The following CSMD1 variants were observed in gnomAD, a reference collection of about 807,000 sequenced individuals.
The protein encoded by CSMD1 is CUB and Sushi multiple domains 1, also known as CUB and sushi domain-containing protein 1.
CSMD1 carries 213 observed loss-of-function variants against 417.5 expected under a neutral mutation model. The ratio of observed to expected loss-of-function variants is 0.51; its 90% CI spans 0.46 to 0.57. CSMD1 has a LOEUF of 0.57. CSMD1 is among the 20% of genes least tolerant of loss of function. The pLI, the probability that CSMD1 is intolerant of heterozygous loss-of-function variation, is 0.00. For missense variants in CSMD1, 6,923 were observed against 4,529.7 expected (o/e 1.53, Z -15.17); for synonymous variants, 2,862 against 1,736.8 (o/e 1.65, Z -16.11).
At chr8:3,549,623 G>A (rs1006539295) in intron 10 of CSMD1, among the ~76,000 whole-genome samples, 1 of 152,144 alleles carries the variant, frequency 6.6e-6, no homozygotes, top group Admixed American at 6.5e-5. Flanking sequence ...AAAAACAGGA[G>A]GAGAAACCTC....
intron 1 of CSMD1, among the ~76,000 whole-genome samples, chr8:4,682,938 G>C (rs955068658): frequency 1.5e-5 from 2 of 129,474 alleles, no homozygotes; most frequent in African/African-American, 5.8e-5. Flanking sequence ...CATTTCTTTA[G>C]GAGCAATAAG....
intron 7 of CSMD1, among the ~76,000 whole-genome samples, chr8:3,685,364 C>G (rs368940621): frequency 1.3e-5 from 2 of 152,132 alleles, no homozygotes; most frequent in African/African-American, 4.8e-5. Flanking sequence ...AAACTGTTAC[C>G]TAAACACCAG....
chr8:3,468,620 T>G lies in CSMD1; in HGVS notation c.1561+92A>C, dbSNP rs990651751. On this transcript the variant is annotated intron_variant, in intron 12 of 69. Coordinates refer to ENST00000635120, the MANE Select transcript of CSMD1 (RefSeq NM_033225.6). ...CTATTTATCAGCATTGTTTGACTTG[T>G]TGATTTTACTTCTACCTAACCAACA... 17 of 704,832 alleles carry G rather than the reference T, an allele frequency of 2.4e-5. No individual in the cohort carries two copies. In the East Asian group the frequency reaches 4.6e-4, roughly 19 times the overall value. The allele number at this position is 704,832 out of a possible 1,614,324, so 43.7% of individuals were successfully genotyped here.
chr8:3,361,826 C>T (rs1267117096), intron 20 of CSMD1, among the ~76,000 whole-genome samples: 3 of 152,052 alleles, frequency 2.0e-5, no homozygotes, highest in Non-Finnish European at 4.4e-5. Context: ...CCTCTGAAAG[C>T]AACTTAGAAG....
chr8:4,852,045 G>A (rs1323969327), intron 1 of CSMD1, among the ~76,000 whole-genome samples: 2 of 152,104 alleles, frequency 1.3e-5, no homozygotes, highest in Admixed American at 6.5e-5. Context: ...CTCCTCAGCA[G>A]GGCTTAATGT....
At chr8:3,162,919 A>C (rs749293071) in intron 37 of CSMD1, among the ~76,000 whole-genome samples, 1 of 152,338 alleles carries the variant, frequency 6.6e-6, no homozygotes, top group Non-Finnish European at 1.5e-5. Context: ...GGCATCATAT[A>C]ATACTGGAAC....
chr8:4,756,359 A>C (rs1400178603), intron 1 of CSMD1, among the ~76,000 whole-genome samples: 2 of 152,134 alleles, frequency 1.3e-5, no homozygotes, highest in African/African-American at 4.8e-5. Flanking sequence ...TACTGGCCAT[A>C]TTTTTAAAAG....
chr8:4,420,367 C>G (rs2128939952), intron 2 of CSMD1, among the ~76,000 whole-genome samples: 1 of 148,542 alleles, frequency 6.7e-6, no homozygotes, highest in East Asian at 2.0e-4. Flanking sequence ...CTACTGCCAA[C>G]TTTTTTTTTT....
intron 7 of CSMD1, among the ~76,000 whole-genome samples, chr8:3,647,619 G>A (rs905359008): frequency 1.3e-5 from 2 of 152,178 alleles, no homozygotes; most frequent in East Asian, 3.9e-4. Flanking sequence ...CATTTGAAAT[G>A]TGGTATGCTG....
chr8:4,719,184 T>C (rs529538187), intron 1 of CSMD1, among the ~76,000 whole-genome samples: 2 of 152,256 alleles, frequency 1.3e-5, no homozygotes, highest in South Asian at 2.1e-4. Context: ...ACTACACAGC[T>C]AGAGAAAGTG....
At chr8:3,374,268 G>C (rs544059821) in intron 18 of CSMD1, among the ~76,000 whole-genome samples, 1 of 151,886 alleles carries the variant, frequency 6.6e-6, no homozygotes, top group Admixed American at 6.6e-5. Flanking sequence ...CCATCCACCC[G>C]TTTTTCAAGT....
At chr8:2,943,293 T>C (rs1414804948) in intron 68 of CSMD1, among the ~76,000 whole-genome samples, 2 of 151,858 alleles carry the variant, frequency 1.3e-5, no homozygotes, top group African/African-American at 4.8e-5. Context: ...AGTGGAGTGA[T>C]CTCAGCTCAT....
In CSMD1 at chr8:4,421,568, A is replaced by G. The variant is rs536637726; in HGVS notation, c.303-1503T>C. Among the ~76,000 whole-genome samples, 215 of 152,044 alleles carry G rather than the reference A, an allele frequency of 1.4e-3. 2 individuals carry two copies. The highest frequency in any genetic ancestry group is 4.7e-3 in the African/African-American group (196 of 41,372). ...ATATCTAATTACTTGGAAAATAAAC[A>G]ACACACTTCTAAATAATCCAGGGGC... On this transcript the variant is annotated intron_variant, in intron 2 of 69. Transcript: ENST00000635120.
chr8:3,951,773 C>A (rs1373488178), intron 5 of CSMD1, among the ~76,000 whole-genome samples: 2 of 151,944 alleles, frequency 1.3e-5, no homozygotes, highest in South Asian at 2.1e-4. Context: ...ATGAGGGTGA[C>A]CTGTGCTGAG....
intron 3 of CSMD1, among the ~76,000 whole-genome samples, chr8:4,292,820 C>G (rs1339036624): frequency 1.3e-5 from 2 of 152,026 alleles, no homozygotes; most frequent in Non-Finnish European, 2.9e-5. Context: ...AAAGATTTAC[C>G]TAAGAGTCAG....
At chr8:4,631,607 A>G (rs1256456666) in intron 2 of CSMD1, among the ~76,000 whole-genome samples, 1 of 152,174 alleles carries the variant, frequency 6.6e-6, no homozygotes, top group African/African-American at 2.4e-5. Flanking sequence ...AGGTTTTGTC[A>G]TGGTGTGTAA....
rs371170639 is a variant in CSMD1 at position 4,846,757 on chromosome 8, G to A, written c.85+147575C>T. Among the ~76,000 whole-genome samples the A allele has an allele frequency of 6.6e-5, 10 of 152,228 alleles. No individual in the cohort carries two copies. The Middle Eastern group carries it at 0.02, about 311-fold the overall frequency. ...CTTAATCTTGCTTCCCAGGTCAAGG[G>A]TATCTTATCTTTTAACTAAGTTAGA... On this transcript the variant is annotated intron_variant, in intron 1 of 69. Transcript: ENST00000635120.
chr8:3,248,947 C>A (rs1394156974), intron 26 of CSMD1, among the ~76,000 whole-genome samples: 1 of 151,978 alleles, frequency 6.6e-6, no homozygotes, highest in Non-Finnish European at 1.5e-5. Flanking sequence ...AAAAATTGTT[C>A]CCCGCACTCC....
intron 26 of CSMD1, among the ~76,000 whole-genome samples, chr8:3,252,716 A>G (rs1262313037): frequency 2.0e-5 from 3 of 152,158 alleles, no homozygotes; most frequent in Non-Finnish European, 4.4e-5. Context: ...TTGGTAAGCT[A>G]TTAATTATTG....
Sources: gnomAD v4.1 joint callset for allele counts (sites outside exome capture counted in the v4.1 genomes callset) on GRCh38, gnomAD v4.1.1 for gene constraint, MANE v1.5 for transcripts, NCBI Gene and HGNC (gene_info 2026-07-23, HGNC 2026-07-21) for gene names.